Variants in SCAPER observed in about 807,000 individuals in gnomAD.
The protein encoded by SCAPER is S-phase cyclin A associated protein in the ER.
In SCAPER, 98 loss-of-function variants were observed where a neutral mutation model predicts 182.2. The observed-to-expected ratio is 0.54, with a 90% confidence interval of 0.46 to 0.64. SCAPER has a LOEUF of 0.64. SCAPER is among the 30% of genes least tolerant of loss of function. The pLI is 0.00. For missense variants in SCAPER, 1,432 were observed against 1,690.0 expected, an observed-to-expected ratio of 0.85 and a Z score of 2.68; for synonymous variants, 605 against 564.6, an observed-to-expected ratio of 1.07 and a Z score of -1.01.
intron 10 of SCAPER, among the ~76,000 whole-genome samples, chr15:76,768,683 C>T (rs765784838): frequency 1.0e-3 from 154 of 152,034 alleles, no homozygotes; most frequent in Non-Finnish European, 2.1e-3. Context: ...TCAATACAGT[C>T]GTTAGAAAAG....
At chr15:76,584,026 C>A (rs1273977392) in intron 22 of SCAPER, among the ~76,000 whole-genome samples, 4 of 152,030 alleles carry the variant, frequency 2.6e-5, no homozygotes, top group Admixed American at 2.0e-4. Flanking sequence ...CCTAAATGTC[C>A]ATCAAGAGAT....
chr15:76,494,698 C>G (rs1398284225), intron 24 of SCAPER, among the ~76,000 whole-genome samples: 1 of 152,042 alleles, frequency 6.6e-6, no homozygotes, highest in Non-Finnish European at 1.5e-5. Flanking sequence ...TTTTTGCTTA[C>G]TCTTAAATAA....
At chr15:76,818,395 G>C (rs190224433) in intron 5 of SCAPER, among the ~76,000 whole-genome samples, 4 of 152,190 alleles carry the variant, frequency 2.6e-5, no homozygotes, top group Admixed American at 1.3e-4. Context: ...ATGCAACAAT[G>C]AATTGTTAGA....
At chr15:76,899,995 G>C (rs2074678314) in intron 1 of SCAPER, among the ~76,000 whole-genome samples, 1 of 152,248 alleles carries the variant, frequency 6.6e-6, no homozygotes, top group African/African-American at 2.4e-5. Context: ...TCTATACTAA[G>C]AAAAATTCTT....
intron 15 of SCAPER, among the ~76,000 whole-genome samples, chr15:76,744,548 G>A (rs1487971360): frequency 6.6e-6 from 1 of 152,062 alleles, no homozygotes; most frequent in Non-Finnish European, 1.5e-5. Context: ...GCATCATTAA[G>A]CATCAGAGAA....
intron 24 of SCAPER, among the ~76,000 whole-genome samples, chr15:76,503,422 T>G (rs935462239): frequency 1.1e-4 from 17 of 152,224 alleles, no homozygotes; most frequent in African/African-American, 4.1e-4. Context: ...TATACCATTC[T>G]TCATTAATCT....
At chr15:76,605,399 T>C (rs1218537060) in intron 22 of SCAPER, among the ~76,000 whole-genome samples, 1 of 152,212 alleles carries the variant, frequency 6.6e-6, no homozygotes, top group Non-Finnish European at 1.5e-5. Flanking sequence ...GATAAGCTTT[T>C]TGATGTGCTG....
intron 23 of SCAPER, among the ~76,000 whole-genome samples, chr15:76,557,046 TAA>T (rs1207482968): frequency 6.6e-6 from 1 of 152,100 alleles, no homozygotes; most frequent in African/African-American, 2.4e-5. Context: ...GGAATGTAGT[TAA>T]ATAGAGAGGT....
chr15:76,450,823 G>A lies in SCAPER; in HGVS notation c.3079-16513C>T, dbSNP rs189050255. On this transcript the variant is annotated intron_variant, in intron 25 of 31. Coordinates refer to ENST00000563290, the MANE Select transcript of SCAPER (RefSeq NM_020843.4). ...TGCACCTTGGCCTCCCAAAGTGTTC[G>A]GATTACATGCATGAGCCACTGCACC... Among the ~76,000 whole-genome samples the A allele has an allele frequency of 5.1e-4, 78 of 152,236 alleles. 1 individual carries two copies. Among genetic ancestry groups the A allele is most frequent in the Admixed American group, 1.8e-3 (27 of 15,294 alleles).
intron 22 of SCAPER, among the ~76,000 whole-genome samples, chr15:76,584,411 T>G (rs2048481355): frequency 6.6e-6 from 1 of 152,176 alleles, no homozygotes; most frequent in African/African-American, 2.4e-5. Flanking sequence ...AGAGTATAAT[T>G]GGATAGTTTG....
chr15:76,682,271 C>CCA (rs1555531442), intron 20 of SCAPER, among the ~76,000 whole-genome samples: 1 of 142,810 alleles, frequency 7.0e-6, no homozygotes, highest in Non-Finnish European at 1.5e-5. Context: ...CCTTCCCCCC[C>CCA]CCACCCCACA....
intron 29 of SCAPER, among the ~76,000 whole-genome samples, chr15:76,367,769 A>G (rs866357285): frequency 1.3e-5 from 2 of 152,180 alleles, no homozygotes; most frequent in South Asian, 4.1e-4. Context: ...GATTCTGTGA[A>G]GTTGGTAACT....
At chr15:76,766,173 T>C (rs2063102994) in intron 11 of SCAPER, among the ~76,000 whole-genome samples, 1 of 152,244 alleles carries the variant, frequency 6.6e-6, no homozygotes, top group East Asian at 1.9e-4. Context: ...CTCAGCTCAC[T>C]GCAACCTCCG....
chr15:76,541,612 A>C (rs781607176), intron 23 of SCAPER, among the ~76,000 whole-genome samples: 1 of 152,060 alleles, frequency 6.6e-6, no homozygotes, highest in Admixed American at 6.6e-5. Context: ...TCTATAAATG[A>C]CTCTATATGC....
chr15:76,735,019 A>C (rs888216238), intron 15 of SCAPER, among the ~76,000 whole-genome samples: 4 of 152,162 alleles, frequency 2.6e-5, no homozygotes, highest in Non-Finnish European at 5.9e-5. Context: ...AATAAAACTC[A>C]CAAGGGAAAG....
At chr15:76,529,847 C>T (rs552361350) in intron 23 of SCAPER, among the ~76,000 whole-genome samples, 1 of 152,280 alleles carries the variant, frequency 6.6e-6, no homozygotes, top group Admixed American at 6.5e-5. Context: ...ATTGTAAGTA[C>T]TTTAGCTTTA....
At chr15:76,679,856 A>G (rs1160369833) in intron 20 of SCAPER, among the ~76,000 whole-genome samples, 1 of 152,210 alleles carries the variant, frequency 6.6e-6, no homozygotes, top group African/African-American at 2.4e-5. Flanking sequence ...CTCAAAGGAA[A>G]GCCCACAGTT....
At chr15:76,537,560 A>G (rs1170266899) in intron 23 of SCAPER, among the ~76,000 whole-genome samples, 1 of 152,130 alleles carries the variant, frequency 6.6e-6, no homozygotes, top group Non-Finnish European at 1.5e-5. Context: ...CTTATACAAA[A>G]ATTAATTCAA....
chr15:76,360,315 G>T (rs1209992136), intron 29 of SCAPER, among the ~76,000 whole-genome samples: 2 of 152,176 alleles, frequency 1.3e-5, no homozygotes, highest in African/African-American at 4.8e-5. Flanking sequence ...CATTATCCAA[G>T]TCTCTAAACT....
Sources: allele counts gnomAD v4.1 joint callset (sites outside exome capture counted in the v4.1 genomes callset), GRCh38; gene constraint gnomAD v4.1.1; transcripts MANE v1.5; gene names NCBI Gene and HGNC (gene_info 2026-07-23, HGNC 2026-07-21).